The following ZNF675 variants were observed in gnomAD, a reference collection of about 807,000 sequenced individuals.
ZNF675 encodes zinc finger protein 675.
In ZNF675, 36 loss-of-function variants were observed where a neutral mutation model predicts 56.1. That is an observed-to-expected ratio of 0.64 (90% confidence interval 0.49 to 0.85). The LOEUF (loss-of-function observed/expected upper bound fraction) is 0.85, where lower values mean the gene tolerates loss of function less well. ZNF675 is among the 40% of genes least tolerant of loss of function. The pLI is 0.00. For missense variants in ZNF675, 663 were observed against 654.2 expected (o/e 1.01, Z -0.15); for synonymous variants, 200 against 218.9 (o/e 0.91, Z 0.76).
At chr19:23,672,963 C>T (rs1401737830) in intron 1 of ZNF675, among the ~76,000 whole-genome samples, 1 of 152,142 alleles carries the variant, frequency 6.6e-6, no homozygotes, top group Non-Finnish European at 1.5e-5. Flanking sequence ...GGATGTACAT[C>T]ATTAAGGCTT....
chr19:23,656,653 C>A (rs926940010), intron 3 of ZNF675: 5 of 151,552 alleles, frequency 3.3e-5, no homozygotes, highest in East Asian at 1.9e-4. Flanking sequence ...CACACACACA[C>A]AATGGATTAT....
chr19:23,678,770 C>T (rs1968335580), intron 1 of ZNF675, among the ~76,000 whole-genome samples: 1 of 151,482 alleles, frequency 6.6e-6, no homozygotes, highest in African/African-American at 2.4e-5. Context: ...AAAAATAATG[C>T]CACGCACTTA....
intron 1 of ZNF675, among the ~76,000 whole-genome samples, chr19:23,678,312 C>T (rs1165447235): frequency 6.9e-6 from 1 of 145,836 alleles, no homozygotes; most frequent in African/African-American, 2.6e-5. Context: ...GGCTGGAGTA[C>T]TGTGGTGAGG....
intron 3 of ZNF675, among the ~76,000 whole-genome samples, chr19:23,661,103 G>C (rs1012961419): frequency 3.3e-5 from 5 of 151,958 alleles, no homozygotes; most frequent in African/African-American, 1.2e-4. Flanking sequence ...CTAATTTTTT[G>C]TATTTTTAGT....
In ZNF675 at chr19:23,653,377, C is replaced by G; in HGVS notation, c.1556G>C (p.Arg519Pro). Residue 519 changes from arginine (R) to proline (P), a missense_variant, in exon 4 of 4, where the codon CGA (arginine) becomes CCA (proline). Around this residue, in one of 3 missense-constraint regions of ZNF675, gnomAD observed 617 missense variants for 590.5 expected, o/e 1.04. Transcript: ENST00000359788. The part of the protein sequence containing the change: ...KCEECGKAFS[R>P]SSKLTEHKII... ...CTTATGTTCAGTAAGTTTTGAGGAT[C>G]GGCTAAAAGCTTTGCCACATTCTTC... 1 of 1,613,300 alleles carries G rather than the reference C, an allele frequency of 6.2e-7. No homozygotes were observed. The highest frequency in any genetic ancestry group is 1.1e-5 in the South Asian group (1 of 91,056).
intron 1 of ZNF675, among the ~76,000 whole-genome samples, chr19:23,683,436 G>C (rs1163673248): frequency 6.7e-6 from 1 of 148,672 alleles, no homozygotes; most frequent in East Asian, 1.9e-4. Context: ...CAGCCAAAAA[G>C]GAAGAGAGAT....
At chr19:23,658,991 C>CTATAGATA (rs1568289341) in intron 3 of ZNF675, among the ~76,000 whole-genome samples, 16 of 132,616 alleles carry the variant, frequency 1.2e-4, no homozygotes, top group African/African-American at 4.6e-4. Context: ...AGATAGAGAT[C>CTATAGATA]GAGATCTATA....
At chr19:23,674,650 T>C (rs561816122) in intron 1 of ZNF675, among the ~76,000 whole-genome samples, 1 of 148,780 alleles carries the variant, frequency 6.7e-6, no homozygotes, top group East Asian at 2.0e-4. Context: ...AAGCAAAATA[T>C]TCTTTATTAT....
chr19:23,659,468 T>A (rs550338689), intron 3 of ZNF675, among the ~76,000 whole-genome samples: 9 of 152,178 alleles, frequency 5.9e-5, no homozygotes, highest in Middle Eastern at 3.4e-3. Flanking sequence ...ATACATGATA[T>A]ATTAAGTTTA....
intron 1 of ZNF675, among the ~76,000 whole-genome samples, chr19:23,675,514 C>A (rs1384828861): frequency 6.6e-6 from 1 of 151,766 alleles, no homozygotes; most frequent in Non-Finnish European, 1.5e-5. Context: ...CATACTCAGA[C>A]CACAGCTTGA....
intron 1 of ZNF675, 41 bp from the exon 2 acceptor site, chr19:23,663,199 A>T (rs776546487): frequency 6.3e-7 from 1 of 1,576,526 alleles, no homozygotes; most frequent in Admixed American, 1.9e-5. Flanking sequence ...CCAGGTAGCC[A>T]ACAGAGATTA....
intron 1 of ZNF675, among the ~76,000 whole-genome samples, chr19:23,680,091 G>A (rs1269655300): frequency 2.0e-5 from 3 of 150,974 alleles, no homozygotes; most frequent in Non-Finnish European, 4.4e-5. Context: ...GGCAGATCAC[G>A]AGGTCAAGAG....
intron 3 of ZNF675, among the ~76,000 whole-genome samples, chr19:23,659,849 G>T (rs1968052512): frequency 6.6e-6 from 1 of 152,098 alleles, no homozygotes; most frequent in Non-Finnish European, 1.5e-5. Context: ...TAAGGTAAAG[G>T]ACCTTAGTCT....
chr19:23,684,248 C>T (rs1200466578), intron 1 of ZNF675, among the ~76,000 whole-genome samples: 1 of 143,182 alleles, frequency 7.0e-6, no homozygotes, highest in African/African-American at 2.6e-5. Flanking sequence ...GGCAACAAAT[C>T]GAGACTCCGT....
At chr19:23,659,150 C>A (rs902175466) in intron 3 of ZNF675, among the ~76,000 whole-genome samples, 50 of 151,984 alleles carry the variant, frequency 3.3e-4, no homozygotes, top group African/African-American at 1.2e-3. Context: ...TTTTTTCCTA[C>A]ATCAAGCCTA....
At chr19:23,656,615 T>TATATACACATAAACACACACACAC (rs774359817) in intron 3 of ZNF675, 1 of 137,512 alleles carries the variant, frequency 7.3e-6, no homozygotes, top group Admixed American at 9.3e-5. Context: ...AAAAAAGGTA[T>TATATACACATAAACACACACACAC]ACACACACAC....
chr19:23,665,963 G>C (rs1968145438), intron 1 of ZNF675, among the ~76,000 whole-genome samples: 1 of 152,128 alleles, frequency 6.6e-6, no homozygotes, highest in South Asian at 2.1e-4. Flanking sequence ...CATATTCTTT[G>C]CTGGCTCTTT....
intron 3 of ZNF675, among the ~76,000 whole-genome samples, chr19:23,660,318 T>G (rs7247139): frequency 0.97 from 147,939 of 152,284 alleles, 72,022 homozygotes; most frequent in Middle Eastern, 1. Context: ...CAGATGCCAA[T>G]GCAAAACTAT....
In ZNF675 at chr19:23,654,171, T is replaced by C; in HGVS notation, c.762A>G (p.Lys254=). ...TGCCACATTCTTCACATTTGTATGG[T>C]TTCTCTCGAGCATAATCTTTTTTAT... ...TEYKKDYARE[K]PYKCEECGKA... is the part of the protein sequence containing the mutation. The change falls in exon 4 of 4, where the codon AAA becomes AAG. Residue 254 remains lysine (K), a synonymous_variant. Coordinates refer to ENST00000359788, the MANE Select transcript of ZNF675 (RefSeq NM_138330.3). The C allele has an allele frequency of 6.2e-7, 1 of 1,614,084 alleles. No homozygotes were observed.
Sources: gnomAD v4.1 joint callset for allele counts (sites outside exome capture counted in the v4.1 genomes callset) on GRCh38, gnomAD v4.1.1 for gene constraint, gnomAD v4.1.1 regional missense constraint, MANE v1.5 for transcripts, NCBI Gene and HGNC (gene_info 2026-07-23, HGNC 2026-07-21) for gene names.